DNAJC1: variants seen among roughly 807,000 people sequenced by gnomAD.
DNAJC1 encodes the protein DnaJ heat shock protein family (Hsp40) member C1.
DNAJC1 carries 58 observed loss-of-function variants against 76.6 expected under a neutral mutation model. That is an observed-to-expected ratio of 0.76 (90% CI 0.61 to 0.94). DNAJC1 has a LOEUF of 0.94. Ranked by LOEUF, DNAJC1 falls within the 40% of genes least tolerant of loss-of-function variation. DNAJC1 has a pLI of 0.00. For synonymous variants in DNAJC1, 258 were observed against 267.9 expected (o/e 0.96, Z 0.36); for missense variants, 689 against 677.3 (o/e 1.02, Z -0.19).
chr10:21,891,556 AAGC>A (rs1365180780), intron 7 of DNAJC1, among the ~76,000 whole-genome samples: 1 of 152,066 alleles, frequency 6.6e-6, no homozygotes, highest in African/African-American at 2.4e-5. Context: ...AGCAACTTAA[AAGC>A]AGCAACAGAG....
intron 8 of DNAJC1, among the ~76,000 whole-genome samples, chr10:21,818,590 G>A (rs1226572633): frequency 2.6e-5 from 4 of 152,062 alleles, no homozygotes; most frequent in Non-Finnish European, 4.4e-5. Flanking sequence ...GGGGCATCAC[G>A]GAAACTGCCG....
intron 1 of DNAJC1, among the ~76,000 whole-genome samples, chr10:21,976,327 G>A (rs370360172): frequency 2.6e-5 from 4 of 152,278 alleles, no homozygotes; most frequent in Middle Eastern, 3.4e-3. Context: ...GTTGGCATAT[G>A]TAAAAGGCTT....
chr10:21,902,719 A>G (rs1222293401), intron 7 of DNAJC1, among the ~76,000 whole-genome samples: 1 of 152,198 alleles, frequency 6.6e-6, no homozygotes, highest in Non-Finnish European at 1.5e-5. Flanking sequence ...GTATAGTGAT[A>G]AACACTTCAT....
At chr10:21,758,056 C>G (rs1448161494) in intron 11 of DNAJC1, among the ~76,000 whole-genome samples, 3 of 152,182 alleles carry the variant, frequency 2.0e-5, no homozygotes, top group Non-Finnish European at 4.4e-5. Flanking sequence ...CTGGGAGAAT[C>G]TGCGCTTCTC....
chr10:21,935,749 G>C (rs1016278192), intron 1 of DNAJC1, among the ~76,000 whole-genome samples: 1 of 151,844 alleles, frequency 6.6e-6, no homozygotes, highest in Non-Finnish European at 1.5e-5. Context: ...CATGTATAAG[G>C]GATCTCCAAT....
intron 10 of DNAJC1, 89 bp from the exon 11 acceptor site, chr10:21,759,707 A>T (rs1834219111): frequency 2.4e-6 from 3 of 1,255,132 alleles, no homozygotes; most frequent in Non-Finnish European, 3.3e-6. Flanking sequence ...CAGAGCAGGC[A>T]GCGCACTAGG....
chr10:21,801,468 A>G (rs1470451301), intron 9 of DNAJC1, among the ~76,000 whole-genome samples: 1 of 152,236 alleles, frequency 6.6e-6, no homozygotes, highest in Non-Finnish European at 1.5e-5. Context: ...GCTATTACCA[A>G]AAAGTCAAAA....
At chr10:21,805,872 T>C (rs1726821651) in intron 9 of DNAJC1, 108 bp downstream of exon 9, 1 of 1,445,952 alleles carries the variant, frequency 6.9e-7, no homozygotes, top group African/African-American at 1.4e-5. Flanking sequence ...AAAAGGATTG[T>C]TGTATCCCCT....
chr10:21,849,274 C>A (rs1294599733), intron 8 of DNAJC1, among the ~76,000 whole-genome samples: 2 of 108,202 alleles, frequency 1.8e-5, no homozygotes, highest in Non-Finnish European at 3.3e-5. Context: ...GGCTGGGTGA[C>A]AGAGTGGGAC....
chr10:21,786,822 G>A (rs917873240), intron 9 of DNAJC1, among the ~76,000 whole-genome samples: 1 of 151,926 alleles, frequency 6.6e-6, no homozygotes, highest in African/African-American at 2.4e-5. Flanking sequence ...ACCTGATATT[G>A]CTGTTAATGT....
intron 9 of DNAJC1, among the ~76,000 whole-genome samples, chr10:21,788,002 C>T (rs1834634164): frequency 6.6e-6 from 1 of 152,222 alleles, no homozygotes; most frequent in South Asian, 2.1e-4. Flanking sequence ...GAGGCTACCC[C>T]ACCATCAGAG....
intron 8 of DNAJC1, among the ~76,000 whole-genome samples, chr10:21,824,220 A>G (rs536572396): frequency 6.6e-6 from 1 of 152,338 alleles, no homozygotes; most frequent in South Asian, 2.1e-4. Context: ...GGAATACTAA[A>G]GCTTCCATTC....
intron 9 of DNAJC1, among the ~76,000 whole-genome samples, chr10:21,780,427 T>TG (rs968089072): frequency 1.2e-4 from 18 of 152,186 alleles, no homozygotes; most frequent in African/African-American, 3.9e-4. Context: ...CAGAAGACAG[T>TG]GGGGGCCAAT....
In DNAJC1 at chr10:21,929,050, T is replaced by C. The variant is rs756525926; in HGVS notation, c.314A>G (p.Gln105Arg). ...GCATATTTCACTTACTTGTCTAAAC[T>C]GAGTTTCTGCATTTTCATCTTTATT... ...DKNKDENAETQFRQLVAIYEV... is the reference protein window; with the variant it reads ...DKNKDENAETRFRQLVAIYEV... Residue 105 changes from glutamine (Q) to arginine (R), a missense_variant, in exon 2 of 12, where the codon CAG becomes CGG. Physicochemically the swap from Gln to Arg is conservative, Grantham distance 43. Transcript: ENST00000376980. 6.2e-7 allele frequency: 1 copy of C among 1,604,010 alleles called. No homozygotes were observed. Among genetic ancestry groups the C allele is most frequent in the Non-Finnish European group, 8.5e-7 (1 of 1,173,908 alleles).
At chr10:21,883,876 T>C (rs184627648) in intron 7 of DNAJC1, among the ~76,000 whole-genome samples, 16 of 152,298 alleles carry the variant, frequency 1.1e-4, no homozygotes, top group African/African-American at 3.8e-4. Context: ...TCATTATAAG[T>C]CTAGGATTGT....
intron 9 of DNAJC1, among the ~76,000 whole-genome samples, chr10:21,794,828 G>C (rs1834734684): frequency 6.6e-6 from 1 of 151,934 alleles, no homozygotes; most frequent in Non-Finnish European, 1.5e-5. Flanking sequence ...TTTGATGAAA[G>C]ACTTGAGTCC....
intron 1 of DNAJC1, among the ~76,000 whole-genome samples, chr10:21,964,851 T>C (rs1389571831): frequency 6.6e-6 from 1 of 152,132 alleles, no homozygotes; most frequent in African/African-American, 2.4e-5. Flanking sequence ...CTGAAGACAA[T>C]ACACTCTTTT....
At chr10:21,764,881 T>A (rs1834279189) in intron 10 of DNAJC1, among the ~76,000 whole-genome samples, 1 of 152,204 alleles carries the variant, frequency 6.6e-6, no homozygotes, top group South Asian at 2.1e-4. Flanking sequence ...TGATGCTGGA[T>A]CTGCTCTCTG....
intron 8 of DNAJC1, among the ~76,000 whole-genome samples, chr10:21,815,900 C>T (rs531373798): frequency 6.6e-5 from 10 of 151,718 alleles, no homozygotes; most frequent in East Asian, 2.0e-4. Context: ...CCCGCCACCA[C>T]GTCTGGCTAA....
Sources: allele counts gnomAD v4.1 joint callset (sites outside exome capture counted in the v4.1 genomes callset), GRCh38; gene constraint gnomAD v4.1.1; transcripts MANE v1.5; gene names NCBI Gene and HGNC (gene_info 2026-07-23, HGNC 2026-07-21).